The following FRMPD4 variants were observed in gnomAD, a reference collection of about 807,000 sequenced individuals.
FRMPD4 encodes the protein FERM and PDZ domain-containing protein 4.
FRMPD4 carries 22 observed loss-of-function variants against 94.1 expected under a neutral mutation model. The observed-to-expected ratio is 0.23, with a 90% CI of 0.17 to 0.33. The LOEUF (loss-of-function observed/expected upper bound fraction) is 0.33. Ranked by LOEUF, FRMPD4 falls within the 10% of genes least tolerant of loss-of-function variation. The pLI is 1.00. For synonymous variants in FRMPD4, 631 were observed against 548.6 expected, an observed-to-expected ratio of 1.15 and a Z score of -2.10; for missense variants, 1,111 against 1,339.9, an observed-to-expected ratio of 0.83 and a Z score of 2.67.
Position 12,138,624 on chromosome X carries a change from G to C in FRMPD4, c.-348G>C. ...CGCCCAGGCCTCGCTTTCTCTGGAC[G>C]CCCGGCAGTCCCCGGGGCTAGAGCG... On this transcript the variant is annotated 5_prime_UTR_variant, in exon 1 of 17. Transcript: ENST00000675598. 7.0e-6 allele frequency: 2 copies of C among 287,695 alleles called. No individual in the cohort carries two copies. Among genetic ancestry groups the C allele is most frequent in the Non-Finnish European group, 1.2e-5 (2 of 164,230 alleles). 23.7% of individuals were successfully genotyped at this position (287,695 alleles called of 1,213,427 possible).
At chrX:12,702,215 G>A (rs2041799096) in intron 10 of FRMPD4, among the ~76,000 whole-genome samples, 1 of 112,557 alleles carries the variant, frequency 8.9e-6, no homozygotes, top group South Asian at 3.7e-4. Flanking sequence ...TAAGATGAGG[G>A]ACATATTTAA....
intron 2 of FRMPD4, among the ~76,000 whole-genome samples, chrX:12,507,842 C>T (rs2058001459): frequency 9.0e-6 from 1 of 111,531 alleles, no homozygotes; most frequent in African/African-American, 3.3e-5. Context: ...TGCCATGACT[C>T]CTCCCTTCCT....
intron 1 of FRMPD4, among the ~76,000 whole-genome samples, chrX:12,242,227 T>A (rs2147794864): frequency 8.9e-6 from 1 of 111,816 alleles, no homozygotes; most frequent in South Asian, 3.8e-4. Context: ...TCCACTGTTC[T>A]CCAAATGACT....
chrX:12,092,460 C>T (rs1343503309), intron 3 of FRMPD4, among the ~76,000 whole-genome samples: 6 of 111,750 alleles, frequency 5.4e-5, no homozygotes, highest in Non-Finnish European at 9.4e-5. Flanking sequence ...CTTTCCATTG[C>T]GTTACCTCCT....
At chrX:11,900,394 G>C (rs897094773) in intron 3 of FRMPD4, among the ~76,000 whole-genome samples, 1 of 111,682 alleles carries the variant, frequency 9.0e-6, no homozygotes, top group East Asian at 2.8e-4. Flanking sequence ...GGACTCTTGG[G>C]AGAATGTATG....
intron 1 of FRMPD4, among the ~76,000 whole-genome samples, chrX:11,855,176 A>G (rs761713057): frequency 8.9e-6 from 1 of 112,363 alleles, no homozygotes; most frequent in Admixed American, 9.3e-5. Flanking sequence ...CCTTTTAGCC[A>G]TGGCTGGAGC....
At chrX:12,694,557 C>A in intron 9 of FRMPD4, 103 bp downstream of exon 9, 1 of 564,726 alleles carries the variant, frequency 1.8e-6, no homozygotes, top group Non-Finnish European at 2.9e-6. Context: ...TTTTTGTCCC[C>A]CACCTCAAGC....
chrX:12,407,844 G>A (rs997363593), intron 1 of FRMPD4, among the ~76,000 whole-genome samples: 3 of 111,414 alleles, frequency 2.7e-5, no homozygotes, highest in African/African-American at 9.8e-5. Flanking sequence ...CAGATTTTGT[G>A]TGCACAGACC....
chrX:12,415,066 C>G (rs2056782213), intron 1 of FRMPD4, among the ~76,000 whole-genome samples: 1 of 110,651 alleles, frequency 9.0e-6, no homozygotes, highest in Non-Finnish European at 1.9e-5. Context: ...GTGAGCACTA[C>G]CAAGATAAGG....
chrX:12,279,467 T>A (rs767922359), intron 1 of FRMPD4, among the ~76,000 whole-genome samples: 21 of 112,475 alleles, frequency 1.9e-4, no homozygotes, highest in Non-Finnish European at 3.4e-4. Flanking sequence ...GATAGAAGGC[T>A]GCCTGCTTTC....
At chrX:12,682,761 T>C (rs1409955249) in intron 5 of FRMPD4, among the ~76,000 whole-genome samples, 1 of 112,003 alleles carries the variant, frequency 8.9e-6, no homozygotes, top group Non-Finnish European at 1.9e-5. Flanking sequence ...TGAGGAAGAA[T>C]TGTGCCACAT....
chrX:12,400,953 C>T (rs1161788112), intron 1 of FRMPD4, among the ~76,000 whole-genome samples: 1 of 111,962 alleles, frequency 8.9e-6, no homozygotes, highest in Non-Finnish European at 1.9e-5. Context: ...GTAATAAGAA[C>T]ATAGTAACTA....
At chrX:12,200,602 G>A (rs181238357) in intron 1 of FRMPD4, among the ~76,000 whole-genome samples, 241 of 111,282 alleles carry the variant, frequency 2.2e-3, no homozygotes, top group African/African-American at 7.4e-3. Flanking sequence ...CCAAAGTGTT[G>A]GGATTACAGG....
chrX:11,997,810 T>C lies in FRMPD4; in HGVS notation c.95+119792T>C, dbSNP rs145077015. 2.1e-3 allele frequency among the ~76,000 whole-genome samples: 235 copies of C among 111,395 alleles called. 1 individual carries two copies. Among genetic ancestry groups the C allele is most frequent in the African/African-American group, 7.1e-3 (217 of 30,717 alleles). On this transcript the variant is annotated intron_variant, in intron 3 of 18. Coordinates refer to the FRMPD4 transcript ENST00000640291. ...CAATGGGGCAGGGAAGTACTTAATG[T>C]ACCTCAAGGAGAAGAGAGGCTAAGT...
At chrX:11,877,103 G>C (rs1002900701) in intron 2 of FRMPD4, among the ~76,000 whole-genome samples, 3 of 112,221 alleles carry the variant, frequency 2.7e-5, no homozygotes, top group Admixed American at 9.4e-5. Flanking sequence ...GTATTCCCTA[G>C]TGCCCTCTGT....
chrX:12,153,032 C>T lies in FRMPD4; in HGVS notation c.41+14020C>T, dbSNP rs780477639. On this transcript the variant is annotated intron_variant, in intron 1 of 16. Coordinates refer to ENST00000675598, the MANE Select transcript of FRMPD4 (RefSeq NM_001368397.1). The stretch of plus-strand genomic sequence containing the variant: ...CACTGCAAGCTCCGCTTCCCGGGTT[C>T]ACGCCATTCTCCTGCCTCAGCCTCC... Among the ~76,000 whole-genome samples the T allele has an allele frequency of 6.7e-4, 71 of 105,794 alleles. 1 individual carries two copies. The highest frequency in any genetic ancestry group is 2.3e-3 in the African/African-American group (66 of 29,075). The allele number at this position is 105,794 out of a possible 115,157, so 91.9% of individuals were successfully genotyped here.
intron 1 of FRMPD4, among the ~76,000 whole-genome samples, chrX:12,414,849 G>C (rs2056778803): frequency 8.9e-6 from 1 of 112,153 alleles, no homozygotes; most frequent in African/African-American, 3.2e-5. Flanking sequence ...GGTTACAAGA[G>C]AGACTTTTTC....
At chrX:12,602,835 G>C (rs2148408572) in intron 2 of FRMPD4, among the ~76,000 whole-genome samples, 1 of 111,994 alleles carries the variant, frequency 8.9e-6, no homozygotes, top group Non-Finnish European at 1.9e-5. Context: ...AGTAAGAACA[G>C]ATGCCCAAAC....
At position 12,345,131 on chromosome X, in the gene FRMPD4, AGGATGGAT is replaced by A. The variant is rs372484963; in HGVS notation, c.42-153508_42-153501del. On this transcript the variant is annotated intron_variant, in intron 1 of 16. Coordinates refer to ENST00000675598, the MANE Select transcript of FRMPD4 (RefSeq NM_001368397.1). Reference sequence around the variant, plus strand: ...ATGGATGAACAGACAGACAAATGAAAGGATGGATGGATGGATGGATGGATGGATGGATG... The same window carrying A: ...ATGGATGAACAGACAGACAAATGAAAGGATGGATGGATGGATGGATGGATG... Among the ~76,000 whole-genome samples, 216 of 97,584 alleles carry A rather than the reference AGGATGGAT, an allele frequency of 2.2e-3. 2 individuals are homozygous for A. The highest frequency in any genetic ancestry group is 0.013 in the East Asian group (39 of 3,041). The allele number at this position is 97,584 out of a possible 115,157, so 84.7% of individuals were successfully genotyped here.
Sources: gnomAD v4.1 joint callset for allele counts (sites outside exome capture counted in the v4.1 genomes callset) on GRCh38, gnomAD v4.1.1 for gene constraint, MANE v1.5 for transcripts, NCBI Gene and HGNC (gene_info 2026-07-23, HGNC 2026-07-21) for gene names.